Variants in CHST14 observed in about 807,000 individuals in gnomAD.
The protein encoded by CHST14 is carbohydrate (N-acetylgalactosamine 4-0) sulfotransferase 14.
CHST14 carries 13 observed loss-of-function variants against 22.7 expected under a neutral mutation model. The ratio of observed to expected loss-of-function variants is 0.57; its 90% confidence interval spans 0.37 to 0.91. The LOEUF is 0.91. Among genes scored for constraint, CHST14 ranks in the 40% least tolerant of loss-of-function variants. The pLI is 0.01. For synonymous variants in CHST14, 233 were observed against 231.9 expected, an observed-to-expected ratio of 1.00 and a Z score of -0.04; for missense variants, 466 against 513.1, an observed-to-expected ratio of 0.91 and a Z score of 0.89.
chr15:40,471,384 G>A lies in CHST14; in HGVS notation c.171G>A (p.Leu57=). The stretch of plus-strand genomic sequence containing the variant: ...TGATCGTGGCCTCCAGCGGGCTGCT[G>A]CTCATGATCGAGCGGGGCATCCTGG... ...FAVIVASSGL[L]LMIERGILAE... is the part of the protein sequence containing the mutation. Residue 57 remains leucine, a synonymous_variant, in exon 1 of 1, where the codon CTG becomes CTA. Coordinates refer to ENST00000306243, the MANE Select transcript of CHST14 (RefSeq NM_130468.4). The surrounding 1 kb of genome is among the most constrained non-coding windows in gnomAD (Gnocchi z 6.4). The A allele has an allele frequency of 6.4e-7, 1 of 1,556,904 alleles. No homozygotes were observed. Among genetic ancestry groups the A allele is most frequent in the Non-Finnish European group, 8.7e-7 (1 of 1,155,306 alleles).
Position 40,471,301 on chromosome 15 carries a change from G to A in CHST14, c.88G>A (p.Ala30Thr), listed in dbSNP as rs985415192. Residue 30 changes from alanine (A) to threonine (T), a missense_variant, in exon 1 of 1, where the codon GCC becomes ACC. Coordinates refer to ENST00000306243, the MANE Select transcript of CHST14 (RefSeq NM_130468.4). This position sits in a 1 kb window ranked among gnomAD's most constrained non-coding sequence, Gnocchi z 6.4. The stretch of plus-strand genomic sequence containing the variant: ...GCTGAGGCGGGCCCCTCTGGGCAGG[G>A]CCCGGGCGGGGCTGGGTGGGCCGCC... ...RALRRAPLGR[A>T]RAGLGGPPLL... 5 of 1,532,234 alleles carry A rather than the reference G, an allele frequency of 3.3e-6. No homozygotes were observed. The African/African-American group carries it at 4.2e-5, about 13-fold the overall frequency. 94.9% of individuals were successfully genotyped at this position (1,532,234 alleles called of 1,614,324 possible). A position where few individuals can be genotyped will look rare whatever the true frequency, so the allele number is the denominator to read the frequency against.
chr15:40,471,359 T>G lies in CHST14; in HGVS notation c.146T>G (p.Val49Gly), dbSNP rs1397924130. 2 of 1,553,880 alleles carry G rather than the reference T, an allele frequency of 1.3e-6. No individual in the cohort carries two copies. Among genetic ancestry groups the G allele is most frequent in the African/African-American group, 2.7e-5 (2 of 73,888 alleles). ...CTGCCGTCCATGCTGATGTTTGCGGTGATCGTGGCCTCCAGCGGGCTGCTG... is the reference window on the plus strand; with the variant it reads ...CTGCCGTCCATGCTGATGTTTGCGGGGATCGTGGCCTCCAGCGGGCTGCTG... ...LLLPSMLMFA[V>G]IVASSGLLLM... is the part of the protein sequence containing the mutation. Residue 49 changes from valine (V) to glycine (G), a missense_variant, in exon 1 of 1, where the codon GTG (valine) becomes GGG (glycine). Physicochemically the swap from Val to Gly is moderately radical, Grantham distance 109 (BLOSUM62 -3). Transcript: ENST00000306243. The surrounding 1 kb of genome is among the most constrained non-coding windows in gnomAD (Gnocchi z 6.4).
At position 40,471,227 on chromosome 15, in the gene CHST14, CGCTGACCCCGCTG is replaced by C; in HGVS notation, c.17_29del (p.Leu6ArgfsTer13). ...CCCTTGAGCACCATGTTCCCCCGCCCGCTGACCCCGCTGGCGGCCCCAAATGGCGCCGAGCCCC... is the reference window on the plus strand; with the variant it reads ...CCCTTGAGCACCATGTTCCCCCGCCCGCGGCCCCAAATGGCGCCGAGCCCC... On this transcript the variant is annotated frameshift_variant, in exon 1 of 1. Transcript: ENST00000306243. LOFTEE classifies it high-confidence loss of function. The surrounding 1 kb of genome is among the most constrained non-coding windows in gnomAD (Gnocchi z 6.4). 7.1e-7 allele frequency: 1 copy of C among 1,416,942 alleles called. No individual in the cohort carries two copies. Among genetic ancestry groups the C allele is most frequent in the Non-Finnish European group, 9.1e-7 (1 of 1,096,352 alleles). The allele number at this position is 1,416,942 out of a possible 1,614,324, so 87.8% of individuals were successfully genotyped here.
In CHST14 at chr15:40,471,407, T is replaced by G. The variant is rs1401527512; in HGVS notation, c.194T>G (p.Leu65Arg). ...CTGCTCATGATCGAGCGGGGCATCC[T>G]GGCCGAGATGAAGCCCCTGCCCCTG... ...GLLLMIERGI[L>R]AEMKPLPLHP... Residue 65 changes from leucine to arginine, a missense_variant, in exon 1 of 1, where the codon CTG (leucine) becomes CGG (arginine). Leu to Arg is a moderately radical substitution (Grantham distance 102). Coordinates refer to ENST00000306243, the MANE Select transcript of CHST14 (RefSeq NM_130468.4). The surrounding 1 kb of genome is among the most constrained non-coding windows in gnomAD (Gnocchi z 6.4). 6.4e-7 allele frequency: 1 copy of G among 1,557,454 alleles called. No individual in the cohort carries two copies. Among genetic ancestry groups the G allele is most frequent in the South Asian group, 1.2e-5 (1 of 85,636 alleles).
rs755535418 is a variant in CHST14, at chr15:40,471,496, C to T, written c.283C>T (p.Leu95Phe). ...GKAPKPGGLS[L>F]RAGDADLQVR... ...AGCCCCCAAGCCTGGGGGCCTGTCCCTCAGGGCTGGGGACGCGGACTTGCA... is the reference window on the plus strand; with the variant it reads ...AGCCCCCAAGCCTGGGGGCCTGTCCTTCAGGGCTGGGGACGCGGACTTGCA... Residue 95 changes from leucine (L) to phenylalanine (F), a missense_variant, in exon 1 of 1, where the codon CTC becomes TTC. Physicochemically the swap from Leu to Phe is conservative, Grantham distance 22. Coordinates refer to ENST00000306243, the MANE Select transcript of CHST14 (RefSeq NM_130468.4). This position sits in a 1 kb window ranked among gnomAD's most constrained non-coding sequence, Gnocchi z 6.4. 19 of 1,600,728 alleles carry T rather than the reference C, an allele frequency of 1.2e-5. No individual in the cohort carries two copies. The South Asian group carries it at 2.1e-4, about 18-fold the overall frequency.
chr15:40,471,976 G>A lies in CHST14; in HGVS notation c.763G>A (p.Gly255Ser). 2 of 1,614,164 alleles carry A rather than the reference G, an allele frequency of 1.2e-6. No homozygotes were observed. The highest frequency in any genetic ancestry group is 1.7e-6 in the Non-Finnish European group (2 of 1,180,044). ...GGCTGGAGCGGGGCCCAGCCCTGCA[G>A]GCGACGATGTCACATTCCCCGAGTT... ...YRAGAGPSPA[G>S]DDVTFPEFLR... Residue 255 changes from glycine (G) to serine (S), a missense_variant, in exon 1 of 1, where the codon GGC (glycine) becomes AGC (serine). Coordinates refer to ENST00000306243, the MANE Select transcript of CHST14 (RefSeq NM_130468.4). The surrounding 1 kb of genome is among the most constrained non-coding windows in gnomAD (Gnocchi z 6.4).
Position 40,471,777 on chromosome 15 carries a change from G to C in CHST14, c.564G>C (p.Leu188=). The change falls in exon 1 of 1, where the codon CTG becomes CTC. Residue 188 remains leucine (L), a synonymous_variant. Coordinates refer to ENST00000306243, the MANE Select transcript of CHST14 (RefSeq NM_130468.4). The surrounding 1 kb of genome is among the most constrained non-coding windows in gnomAD (Gnocchi z 6.4). ...TCAAGATGGACCACCGCAGTGACCT[G>C]GTGTTCCTGGCCGACCTGCGGCCTG... is the stretch of plus-strand genomic sequence containing the variant. ...VRLKMDHRSD[L]VFLADLRPEE... is the part of the protein sequence containing the mutation. 1.2e-6 allele frequency: 2 copies of C among 1,613,770 alleles called. No individual in the cohort carries two copies. Among genetic ancestry groups the C allele is most frequent in the Non-Finnish European group, 1.7e-6 (2 of 1,180,036 alleles).
At position 40,472,269 on chromosome 15, in the gene CHST14, G is replaced by A; in HGVS notation, c.1056G>A (p.Leu352=). 6.2e-7 allele frequency: 1 copy of A among 1,610,886 alleles called. No individual in the cohort carries two copies. Among genetic ancestry groups the A allele is most frequent in the Non-Finnish European group, 8.5e-7 (1 of 1,177,756 alleles). The change falls in exon 1 of 1, where the codon CTG becomes CTA. Residue 352 remains leucine, a synonymous_variant. Coordinates refer to ENST00000306243, the MANE Select transcript of CHST14 (RefSeq NM_130468.4). The part of the protein sequence containing the change: ...SAPRALLQDV[L]PKYILDFSLF... ...CCCGGGCCCTGCTGCAGGATGTGCT[G>A]CCTAAGTATATCCTGGACTTCTCCC...
Position 40,472,099 on chromosome 15 carries a change from G to C in CHST14, c.886G>C (p.Val296Leu). The C allele has an allele frequency of 6.2e-7, 1 of 1,614,224 alleles. No homozygotes were observed. ...GCCTTGTGCCGTGCACTATGACTTT[G>C]TGGGCTCCTATGAGAGGCTGGAGGC... The part of the protein sequence containing the change: ...CQPCAVHYDF[V>L]GSYERLEADA... Residue 296 changes from valine (V) to leucine (L), a missense_variant, in exon 1 of 1, where the codon GTG becomes CTG. Coordinates refer to ENST00000306243, the MANE Select transcript of CHST14 (RefSeq NM_130468.4).
At position 40,471,814 on chromosome 15, in the gene CHST14, T is replaced by C. The variant is rs200725028; in HGVS notation, c.601T>C (p.Tyr201His). The C allele has an allele frequency of 6.2e-7, 1 of 1,613,784 alleles. No individual in the cohort carries two copies. Among genetic ancestry groups the C allele is most frequent in the East Asian group, 2.2e-5 (1 of 44,876 alleles). Residue 201 changes from tyrosine (Y) to histidine (H), a missense_variant, in exon 1 of 1, where the codon TAC becomes CAC. Tyr to His is a moderately conservative substitution (Grantham distance 83). Coordinates refer to ENST00000306243, the MANE Select transcript of CHST14 (RefSeq NM_130468.4). This position sits in a 1 kb window ranked among gnomAD's most constrained non-coding sequence, Gnocchi z 6.4. ...CGACCTGCGGCCTGAGGAGATTCGCTACCGCCTGCAGCACTACTTTAAGTT... is the reference window on the plus strand; with the variant it reads ...CGACCTGCGGCCTGAGGAGATTCGCCACCGCCTGCAGCACTACTTTAAGTT... ...LADLRPEEIRYRLQHYFKFLF... is the reference protein window; with the variant it reads ...LADLRPEEIRHRLQHYFKFLF...
In CHST14 at chr15:40,471,327, C is replaced by T; in HGVS notation, c.114C>T (p.Pro38=). 2 of 1,540,906 alleles carry T rather than the reference C, an allele frequency of 1.3e-6. No homozygotes were observed. The highest frequency in any genetic ancestry group is 8.7e-7 in the Non-Finnish European group (1 of 1,148,604). The change falls in exon 1 of 1, where the codon CCC becomes CCT. Residue 38 remains proline, a synonymous_variant. Transcript: ENST00000306243. The surrounding 1 kb of genome is among the most constrained non-coding windows in gnomAD (Gnocchi z 6.4). ...CCCGGGCGGGGCTGGGTGGGCCGCCCCTGCTGCTGCCGTCCATGCTGATGT... is the reference window on the plus strand; with the variant it reads ...CCCGGGCGGGGCTGGGTGGGCCGCCTCTGCTGCTGCCGTCCATGCTGATGT... ...GRARAGLGGP[P]LLLPSMLMFA...
At position 40,472,242 on chromosome 15, in the gene CHST14, C is replaced by T; in HGVS notation, c.1029C>T (p.Ala343=). 1 of 1,613,098 alleles carries T rather than the reference C, an allele frequency of 6.2e-7. No homozygotes were observed. Among genetic ancestry groups the T allele is most frequent in the East Asian group, 2.2e-5 (1 of 44,858 alleles). ...GCCTGCATTACCACTTGTGCAGTGC[C>T]CCCCGGGCCCTGCTGCAGGATGTGC... The part of the protein sequence containing the change: ...PESLHYHLCS[A]PRALLQDVLP... The change falls in exon 1 of 1, where the codon GCC becomes GCT. Residue 343 remains alanine (A), a synonymous_variant. Transcript: ENST00000306243.
In CHST14 at chr15:40,471,173, G is replaced by T; in HGVS notation, c.-41G>T. 2 of 1,010,198 alleles carry T rather than the reference G, an allele frequency of 2.0e-6. No homozygotes were observed. Among genetic ancestry groups the T allele is most frequent in the South Asian group, 6.2e-5 (2 of 32,332 alleles). The allele number at this position is 1,010,198 out of a possible 1,614,324, so 62.6% of individuals were successfully genotyped here. On this transcript the variant is annotated 5_prime_UTR_variant, in exon 1 of 1. Coordinates refer to ENST00000306243, the MANE Select transcript of CHST14 (RefSeq NM_130468.4). The surrounding 1 kb of genome is among the most constrained non-coding windows in gnomAD (Gnocchi z 6.4). Reference sequence around the variant, plus strand: ...CGAGCCCGCCTTCCAGGCCGCCCTCGGATCGGCCGGGCCCGCGCAGGCCCC... The same window carrying T: ...CGAGCCCGCCTTCCAGGCCGCCCTCTGATCGGCCGGGCCCGCGCAGGCCCC...
At position 40,471,704 on chromosome 15, in the gene CHST14, G is replaced by C; in HGVS notation, c.491G>C (p.Arg164Pro). 1 of 1,613,652 alleles carries C rather than the reference G, an allele frequency of 6.2e-7. No homozygotes were observed. Among genetic ancestry groups the C allele is most frequent in the Non-Finnish European group, 8.5e-7 (1 of 1,180,030 alleles). Residue 164 changes from arginine (R) to proline (P), a missense_variant, in exon 1 of 1, where the codon CGG becomes CCG. Arg to Pro is a moderately radical substitution (Grantham distance 103). Transcript: ENST00000306243. The surrounding 1 kb of genome is among the most constrained non-coding windows in gnomAD (Gnocchi z 6.4). ...AAGGTGGCCTGCTCTAACTGGAAGC[G>C]GGTGATGAAGGTGCTGGCAGGCGTC... ...VPKVACSNWK[R>P]VMKVLAGVLD...
In CHST14 at chr15:40,472,270, C is replaced by G; in HGVS notation, c.1057C>G (p.Pro353Ala). ...APRALLQDVL[P>A]KYILDFSLFA... ...CCGGGCCCTGCTGCAGGATGTGCTG[C>G]CTAAGTATATCCTGGACTTCTCCCT... Residue 353 changes from proline (P) to alanine (A), a missense_variant, in exon 1 of 1, where the codon CCT (proline) becomes GCT (alanine). Pro to Ala is a conservative substitution (Grantham distance 27, BLOSUM62 -1). Transcript: ENST00000306243. 1 of 1,610,800 alleles carries G rather than the reference C, an allele frequency of 6.2e-7. No homozygotes were observed. Among genetic ancestry groups the G allele is most frequent in the East Asian group, 2.2e-5 (1 of 44,816 alleles).
chr15:40,471,105 C>A lies in CHST14; in HGVS notation c.-109C>A. On this transcript the variant is annotated 5_prime_UTR_variant, in exon 1 of 1. Transcript: ENST00000306243. This position sits in a 1 kb window ranked among gnomAD's most constrained non-coding sequence, Gnocchi z 6.4. The stretch of plus-strand genomic sequence containing the variant: ...CCAGGGCTGTCCCCTGCCCTCCCCT[C>A]CCCAACTACCCCCGGTCCCAGACCC... 12 of 376,838 alleles carry A rather than the reference C, an allele frequency of 3.2e-5. No homozygotes were observed. The highest frequency in any genetic ancestry group is 5.4e-5 in the East Asian group (1 of 18,470). The allele number at this position is 376,838 out of a possible 1,614,324, so 23.3% of individuals were successfully genotyped here. A position where few individuals can be genotyped will look rare whatever the true frequency, so the allele number is the denominator to read the frequency against.
At position 40,471,784 on chromosome 15, in the gene CHST14, C is replaced by T. The variant is rs367780265; in HGVS notation, c.571C>T (p.Leu191=). Residue 191 remains leucine, a synonymous_variant, in exon 1 of 1, where the codon CTG becomes TTG. Transcript: ENST00000306243. The surrounding 1 kb of genome is among the most constrained non-coding windows in gnomAD (Gnocchi z 6.4). The stretch of plus-strand genomic sequence containing the variant: ...GGACCACCGCAGTGACCTGGTGTTC[C>T]TGGCCGACCTGCGGCCTGAGGAGAT... ...KMDHRSDLVF[L]ADLRPEEIRY... is the part of the protein sequence containing the mutation. 1 of 1,613,664 alleles carries T rather than the reference C, an allele frequency of 6.2e-7. No homozygotes were observed. Among genetic ancestry groups the T allele is most frequent in the Non-Finnish European group, 8.5e-7 (1 of 1,180,044 alleles).
At position 40,471,801 on chromosome 15, in the gene CHST14, T is replaced by G. The variant is rs1276484711; in HGVS notation, c.588T>G (p.Pro196=). 1 of 1,613,750 alleles carries G rather than the reference T, an allele frequency of 6.2e-7. No homozygotes were observed. ...TGGTGTTCCTGGCCGACCTGCGGCC[T>G]GAGGAGATTCGCTACCGCCTGCAGC... ...SDLVFLADLR[P]EEIRYRLQHY... The change falls in exon 1 of 1, where the codon CCT becomes CCG. Residue 196 remains proline (P), a synonymous_variant. Transcript: ENST00000306243. The surrounding 1 kb of genome is among the most constrained non-coding windows in gnomAD (Gnocchi z 6.4).
Position 40,471,688 on chromosome 15 carries a change from T to A in CHST14, c.475T>A (p.Cys159Ser). Residue 159 changes from cysteine (C) to serine (S), a missense_variant, in exon 1 of 1, where the codon TGC becomes AGC. By Grantham distance (112) the Cys-to-Ser change is moderately radical. Transcript: ENST00000306243. This position sits in a 1 kb window ranked among gnomAD's most constrained non-coding sequence, Gnocchi z 6.4. ...CTACTGCTACGTCCCCAAGGTGGCC[T>A]GCTCTAACTGGAAGCGGGTGATGAA... ...FLYCYVPKVA[C>S]SNWKRVMKVL... 6.2e-7 allele frequency: 1 copy of A among 1,613,672 alleles called. No homozygotes were observed. Among genetic ancestry groups the A allele is most frequent in the South Asian group, 1.1e-5 (1 of 91,088 alleles).
Sources: gnomAD v4.1 joint callset for allele counts on GRCh38, gnomAD v4.1.1 for gene constraint, Gnocchi (gnomAD v3.1) non-coding constraint, MANE v1.5 for transcripts, NCBI Gene and HGNC (gene_info 2026-07-23, HGNC 2026-07-21) for gene names.